ROBO1: variants seen among roughly 807,000 people sequenced by gnomAD.
ROBO1 encodes roundabout guidance receptor 1, also known as roundabout homolog 1.
In ROBO1, 149 loss-of-function variants were observed where a neutral mutation model predicts 195.9. The observed-to-expected ratio is 0.76, with a 90% CI of 0.67 to 0.87. The LOEUF (loss-of-function observed/expected upper bound fraction) is 0.87. Among genes scored for constraint, ROBO1 ranks in the 40% least tolerant of loss-of-function variants. The pLI is 0.00. For missense variants in ROBO1, 1,933 were observed against 2,068.3 expected, an observed-to-expected ratio of 0.93 and a Z score of 1.27; for synonymous variants, 816 against 733.2, an observed-to-expected ratio of 1.11 and a Z score of -1.82.
chr3:79,742,209 A>G (rs2107429768), intron 1 of ROBO1, among the ~76,000 whole-genome samples: 1 of 152,360 alleles, frequency 6.6e-6, no homozygotes, highest in South Asian at 2.1e-4. Context: ...TTAATAGCCA[A>G]GATGTTGGAG....
intron 4 of ROBO1, among the ~76,000 whole-genome samples, chr3:78,753,412 C>T (rs1412428583): frequency 6.6e-6 from 1 of 152,104 alleles, no homozygotes; most frequent in Non-Finnish European, 1.5e-5. Context: ...GTGCTTATTC[C>T]AACAGCACTA....
At chr3:79,296,310 A>T (rs1207568309) in intron 2 of ROBO1, among the ~76,000 whole-genome samples, 1 of 152,222 alleles carries the variant, frequency 6.6e-6, no homozygotes, top group Non-Finnish European at 1.5e-5. Context: ...AGAGAGTATA[A>T]AATATGCAAA....
At chr3:79,759,155 T>G (rs920739244) in intron 1 of ROBO1, among the ~76,000 whole-genome samples, 2 of 152,172 alleles carry the variant, frequency 1.3e-5, no homozygotes, top group African/African-American at 2.4e-5. Context: ...GAATAAAAAG[T>G]AAATTCTTAC....
chr3:79,300,262 G>C (rs1405118551), intron 2 of ROBO1, among the ~76,000 whole-genome samples: 2 of 152,222 alleles, frequency 1.3e-5, no homozygotes, highest in East Asian at 3.9e-4. Flanking sequence ...GGCGCTTGCG[G>C]GCCAGCTGGA....
chr3:78,860,572 C>CTTT (rs2034770257), intron 4 of ROBO1, among the ~76,000 whole-genome samples: 1 of 151,904 alleles, frequency 6.6e-6, no homozygotes, highest in Admixed American at 6.6e-5. Flanking sequence ...AAAGATTCCT[C>CTTT]AATGTAAGTA....
chr3:79,313,745 G>A (rs191256034), intron 2 of ROBO1, among the ~76,000 whole-genome samples: 21 of 152,232 alleles, frequency 1.4e-4, no homozygotes, highest in African/African-American at 5.1e-4. Context: ...ATAGGCCCCT[G>A]AGAAAACTCA....
rs528723857 is a variant in ROBO1 at position 79,270,885 on chromosome 3, ATCTTATAT to A, written c.89-145354_89-145347del. On this transcript the variant is annotated intron_variant, in intron 2 of 30. Coordinates refer to ENST00000464233, the MANE Select transcript of ROBO1 (RefSeq NM_002941.4). ...ACTCTCATATAATGTAATCATATTTATCTTATATAAATATTCATCCTTTAATTTACTAT... is the reference window on the plus strand; with the variant it reads ...ACTCTCATATAATGTAATCATATTTAAAATATTCATCCTTTAATTTACTAT... 5.8e-4 allele frequency among the ~76,000 whole-genome samples: 88 copies of A among 152,076 alleles called. 1 individual carries two copies. The South Asian group carries it at 9.9e-3, about 17-fold the overall frequency.
At position 78,635,974 on chromosome 3, in the gene ROBO1, G is replaced by T; in HGVS notation, c.3172C>A (p.Leu1058Met). The T allele has an allele frequency of 1.2e-6, 2 of 1,613,886 alleles. No homozygotes were observed. The highest frequency in any genetic ancestry group is 1.7e-6 in the Non-Finnish European group (2 of 1,179,838). Residue 1058 changes from leucine (L) to methionine (M), a missense_variant, in exon 23 of 31, where the codon CTG becomes ATG. Around this residue, in one of 3 missense-constraint regions of ROBO1, gnomAD observed 1,737 missense variants for 1,882.5 expected, o/e 0.92. Transcript: ENST00000464233. The part of the protein sequence containing the change: ...NEMKTFNSPN[L>M]KDGRFVNPSG... The stretch of plus-strand genomic sequence containing the variant: ...GGATTGACAAAACGCCCATCCTTCA[G>T]ATTTGGGCTATTGAAGGTTTTCATC...
chr3:79,548,752 T>C (rs1023929379), intron 2 of ROBO1, among the ~76,000 whole-genome samples: 1 of 152,202 alleles, frequency 6.6e-6, no homozygotes, highest in African/African-American at 2.4e-5. Context: ...TAGTTGCTCC[T>C]GAGTATGAGT....
At chr3:78,655,537 C>G (rs1310593641) in intron 18 of ROBO1, among the ~76,000 whole-genome samples, 1 of 152,298 alleles carries the variant, frequency 6.6e-6, no homozygotes, top group South Asian at 2.1e-4. Context: ...CCCCACCCCA[C>G]AAGTGGACTT....
intron 5 of ROBO1, among the ~76,000 whole-genome samples, chr3:78,718,856 G>A (rs2081971943): frequency 7.1e-6 from 1 of 141,606 alleles, no homozygotes; most frequent in Non-Finnish European, 1.5e-5. Context: ...GGGAGAGAGG[G>A]AGGGAGGGAG....
At chr3:79,424,154 A>T (rs2038345362) in intron 2 of ROBO1, among the ~76,000 whole-genome samples, 1 of 152,036 alleles carries the variant, frequency 6.6e-6, no homozygotes. Context: ...ATTTACTTAT[A>T]CTCTAAGCAA....
chr3:79,494,136 G>C (rs1356293257), intron 2 of ROBO1, among the ~76,000 whole-genome samples: 1 of 152,110 alleles, frequency 6.6e-6, no homozygotes, highest in African/African-American at 2.4e-5. Flanking sequence ...CTGCTCCACT[G>C]TCTCCATCTC....
intron 3 of ROBO1, among the ~76,000 whole-genome samples, chr3:79,018,065 G>T (rs2077996880): frequency 6.6e-6 from 1 of 152,158 alleles, no homozygotes; most frequent in Non-Finnish European, 1.5e-5. Context: ...GCTCATCCTG[G>T]GGGCCCTAGC....
chr3:78,921,091 A>G (rs2038918669), intron 4 of ROBO1, among the ~76,000 whole-genome samples: 5 of 152,220 alleles, frequency 3.3e-5, no homozygotes. Context: ...ATTAATAAAC[A>G]TAAATCAGTG....
intron 2 of ROBO1, among the ~76,000 whole-genome samples, chr3:79,150,957 T>G (rs998025488): frequency 6.6e-6 from 1 of 151,650 alleles, no homozygotes; most frequent in Non-Finnish European, 1.5e-5. Flanking sequence ...TCACCTTGAA[T>G]GGTAATAATC....
chr3:78,820,488 T>C (rs2108676177), intron 4 of ROBO1, among the ~76,000 whole-genome samples: 1 of 152,254 alleles, frequency 6.6e-6, no homozygotes, highest in East Asian at 1.9e-4. Context: ...GCTTGTTAAA[T>C]GTATAAAAAA....
intron 4 of ROBO1, among the ~76,000 whole-genome samples, chr3:78,862,451 C>G (rs575884292): frequency 1.3e-4 from 20 of 152,256 alleles, no homozygotes; most frequent in Non-Finnish European, 2.2e-4. Context: ...TTATCAGACC[C>G]TAAGCAAAAC....
At chr3:78,948,214 C>T (rs180752469) in intron 3 of ROBO1, among the ~76,000 whole-genome samples, 2 of 150,524 alleles carry the variant, frequency 1.3e-5, no homozygotes, top group African/African-American at 4.8e-5. Context: ...GGCAGAGACA[C>T]AACCAATTTT....
Sources: allele counts gnomAD v4.1 joint callset (sites outside exome capture counted in the v4.1 genomes callset), GRCh38; gene constraint gnomAD v4.1.1; regional missense constraint gnomAD v4.1.1; transcripts MANE v1.5; gene names NCBI Gene and HGNC (gene_info 2026-07-23, HGNC 2026-07-21).